ERBIN: variants seen among roughly 807,000 people sequenced by gnomAD.
ERBIN encodes the protein erbb2 interacting protein.
Under a neutral mutation model 158.4 loss-of-function variants are expected in ERBIN, and 60 were observed. That is an observed-to-expected ratio of 0.38 (90% CI 0.31 to 0.47). The LOEUF (loss-of-function observed/expected upper bound fraction) is 0.47, where lower values mean the gene tolerates loss of function less well. Among genes scored for constraint, ERBIN ranks in the 20% least tolerant of loss-of-function variants. The probability of loss-of-function intolerance (pLI) is 0.99; values close to 1 mark genes in which losing one functional copy is unlikely to be tolerated. For missense variants in ERBIN, 1,610 were observed against 1,648.0 expected (o/e 0.98, Z 0.40); for synonymous variants, 594 against 557.2 (o/e 1.07, Z -0.93).
intron 14 of ERBIN, among the ~76,000 whole-genome samples, chr5:66,032,061 T>C (rs1182030926): frequency 1.3e-5 from 2 of 151,936 alleles, no homozygotes; most frequent in East Asian, 1.9e-4. Context: ...TGGAAGAATA[T>C]CATGAGCATA....
intron 7 of ERBIN, among the ~76,000 whole-genome samples, chr5:66,019,556 C>G (rs1182523515): frequency 6.6e-6 from 1 of 152,060 alleles, no homozygotes; most frequent in Non-Finnish European, 1.5e-5. Context: ...AGTTTTATTT[C>G]TGAGATTTCT....
At chr5:65,961,810 C>T (rs1747957511) in intron 1 of ERBIN, among the ~76,000 whole-genome samples, 1 of 151,946 alleles carries the variant, frequency 6.6e-6, no homozygotes, top group African/African-American at 2.4e-5. Context: ...GGGGAGGGTG[C>T]TTTTTGGTTT....
intron 13 of ERBIN, among the ~76,000 whole-genome samples, chr5:66,027,541 A>G (rs1021159318): frequency 3.3e-5 from 5 of 152,076 alleles, no homozygotes; most frequent in Non-Finnish European, 5.9e-5. Flanking sequence ...TTGTGTCAGT[A>G]CTGAACGTGT....
At chr5:66,042,620 A>G (rs1228599487) in intron 15 of ERBIN, among the ~76,000 whole-genome samples, 1 of 152,108 alleles carries the variant, frequency 6.6e-6, no homozygotes, top group Non-Finnish European at 1.5e-5. Flanking sequence ...CTGATAGAAT[A>G]TATAAGTGTT....
chr5:66,025,700 C>T (rs1756171515), intron 11 of ERBIN, 148 bp downstream of exon 11: 3 of 854,454 alleles, frequency 3.5e-6, no homozygotes, highest in African/African-American at 1.7e-5. Flanking sequence ...TTATGATAGA[C>T]AAACCTACTT....
rs1288317386 is a variant in ERBIN at position 66,080,175 on chromosome 5, C to T, written c.*1645C>T. ...TATAAGACTAGCTTAAAACACCAAC[C>T]AACATTATTTTTGCAAAAGTGAGTT... On this transcript the variant is annotated 3_prime_UTR_variant, in exon 26 of 26. Coordinates refer to ENST00000284037, the MANE Select transcript of ERBIN (RefSeq NM_001253697.2). The T allele has an allele frequency of 2.0e-5, 3 of 152,514 alleles. No individual in the cohort carries two copies. Among genetic ancestry groups the T allele is most frequent in the Admixed American group, 2.0e-4 (3 of 15,270 alleles). 9.4% of individuals were successfully genotyped at this position (152,514 alleles called of 1,614,324 possible).
At chr5:66,019,246 G>A (rs776998263) in intron 7 of ERBIN, among the ~76,000 whole-genome samples, 1 of 152,048 alleles carries the variant, frequency 6.6e-6, no homozygotes, top group Non-Finnish European at 1.5e-5. Flanking sequence ...CAAACAAGAG[G>A]ATATAGTTTT....
At chr5:65,941,842 T>G (rs59413980) in intron 1 of ERBIN, among the ~76,000 whole-genome samples, 6,080 of 151,898 alleles carry the variant, frequency 0.04, 412 homozygotes, top group African/African-American at 0.14. Flanking sequence ...CCAGATTCAC[T>G]CCATTCTCCT....
At chr5:65,960,867 T>C (rs1210422706) in intron 1 of ERBIN, among the ~76,000 whole-genome samples, 4 of 152,208 alleles carry the variant, frequency 2.6e-5, no homozygotes, top group Admixed American at 2.0e-4. Flanking sequence ...AATTTTTTTT[T>C]CAGCTTCATG....
intron 4 of ERBIN, among the ~76,000 whole-genome samples, chr5:65,996,535 G>A (rs569908985): frequency 6.6e-6 from 1 of 152,080 alleles, no homozygotes; most frequent in African/African-American, 2.4e-5. Context: ...CTTTGATTAC[G>A]ATTGCTTTGT....
At chr5:65,961,026 A>G (rs1747847696) in intron 1 of ERBIN, among the ~76,000 whole-genome samples, 2 of 152,202 alleles carry the variant, frequency 1.3e-5, no homozygotes, top group East Asian at 3.8e-4. Context: ...AAACCTCCCT[A>G]TCCATATGTG....
At chr5:66,026,107 AATT>A in intron 12 of ERBIN, 130 bp downstream of exon 12, 1 of 872,456 alleles carries the variant, frequency 1.1e-6, no homozygotes, top group Non-Finnish European at 1.7e-6. Flanking sequence ...TTTTCTGAAT[AATT>A]AGCTATGTTA....
intron 21 of ERBIN, among the ~76,000 whole-genome samples, chr5:66,060,967 G>A (rs1015697057): frequency 6.6e-5 from 10 of 151,770 alleles, no homozygotes; most frequent in Admixed American, 1.3e-4. Flanking sequence ...ACTTCCAACT[G>A]TGTGGTCAAT....
At position 66,081,300 on chromosome 5, in the gene ERBIN, T is replaced by G. The variant is rs1580574645; in HGVS notation, c.*2770T>G. 1.3e-5 allele frequency: 2 copies of G among 152,058 alleles called. No homozygotes were observed. Among genetic ancestry groups the G allele is most frequent in the East Asian group, 3.8e-4 (2 of 5,202 alleles). The allele number at this position is 152,058 out of a possible 1,614,324, so 9.4% of individuals were successfully genotyped here. ...GAATCAATGAAATTCTAAAATTCCC[T>G]ACATATTTATTTTGTAAATATTCTT... On this transcript the variant is annotated 3_prime_UTR_variant, in exon 26 of 26. Transcript: ENST00000284037.
chr5:66,018,313 A>AT (rs1305397611), intron 7 of ERBIN, among the ~76,000 whole-genome samples: 6 of 144,950 alleles, frequency 4.1e-5, no homozygotes, highest in African/African-American at 1.3e-4. Flanking sequence ...GTATCTTTCC[A>AT]TTTTTTTGTG....
intron 6 of ERBIN, among the ~76,000 whole-genome samples, chr5:66,014,085 A>G (rs1157418663): frequency 1.3e-5 from 2 of 152,152 alleles, no homozygotes; most frequent in Non-Finnish European, 1.5e-5. Flanking sequence ...TGTATAATAG[A>G]TATGCAGTTA....
intron 1 of ERBIN, among the ~76,000 whole-genome samples, chr5:65,934,600 A>C (rs1743854485): frequency 6.6e-6 from 1 of 152,152 alleles, no homozygotes; most frequent in Non-Finnish European, 1.5e-5. Flanking sequence ...CATTCTTCTT[A>C]TTACGTCTTA....
chr5:66,056,928 T>C (rs1223243632), intron 21 of ERBIN, among the ~76,000 whole-genome samples: 1 of 152,184 alleles, frequency 6.6e-6, no homozygotes, highest in African/African-American at 2.4e-5. Context: ...TCTACTGCAT[T>C]CCTTTTAGGA....
intron 4 of ERBIN, 52 bp from the exon 5 acceptor site, chr5:66,011,997 T>C: frequency 5.2e-6 from 6 of 1,157,254 alleles, no homozygotes; most frequent in Middle Eastern, 2.4e-4. Context: ...TTACTGTTAT[T>C]ATTTTGTCCT....
Sources: gnomAD v4.1 joint callset for allele counts (sites outside exome capture counted in the v4.1 genomes callset) on GRCh38, gnomAD v4.1.1 for gene constraint, MANE v1.5 for transcripts, NCBI Gene and HGNC (gene_info 2026-07-23, HGNC 2026-07-21) for gene names.